Variants in IFNG-AS1 observed in about 807,000 individuals in gnomAD.
IFNG-AS1 encodes the protein IFNG regulatory antisense RNA 1, also known as IFNG antisense RNA 1 (non-protein coding).
intron 1 of IFNG-AS1, among the ~76,000 whole-genome samples, chr12:67,993,094 T>A (rs1845887500): frequency 6.6e-6 from 1 of 152,196 alleles, no homozygotes. Context: ...AGGTCCCCAT[T>A]AGGCTCGAAT....
chr12:67,993,535 AT>A (rs758986503), intron 1 of IFNG-AS1, among the ~76,000 whole-genome samples: 6 of 152,236 alleles, frequency 3.9e-5, no homozygotes, highest in Non-Finnish European at 7.3e-5. Flanking sequence ...TTTCTCATCA[AT>A]CTATCTAGAT....
At chr12:68,003,177 C>T (rs1484663349) in intron 2 of IFNG-AS1, among the ~76,000 whole-genome samples, 4 of 152,124 alleles carry the variant, frequency 2.6e-5, no homozygotes, top group Non-Finnish European at 5.9e-5. Flanking sequence ...TACTTCCTCA[C>T]CTCTAGCTTT....
chr12:68,003,642 T>C (rs368891776), intron 2 of IFNG-AS1, among the ~76,000 whole-genome samples: 6 of 152,112 alleles, frequency 3.9e-5, no homozygotes, highest in East Asian at 3.9e-4. Flanking sequence ...AGGCCGGGCG[T>C]GGTGGCTCAC....
At chr12:67,995,442 G>C (rs11176999) in intron 1 of IFNG-AS1, among the ~76,000 whole-genome samples, 2 of 130,882 alleles carry the variant, frequency 1.5e-5, no homozygotes, top group Admixed American at 8.1e-5. Context: ...AAAAAAAAGG[G>C]CCGCGCACTG....
At chr12:68,000,115 T>C (rs1196889984) in intron 2 of IFNG-AS1, among the ~76,000 whole-genome samples, 5 of 152,202 alleles carry the variant, frequency 3.3e-5, no homozygotes, top group South Asian at 2.1e-4. Context: ...ATAATATCAA[T>C]GTTAGTTTCT....
intron 1 of IFNG-AS1, among the ~76,000 whole-genome samples, chr12:67,989,771 C>A (rs1424517228): frequency 6.6e-6 from 1 of 152,078 alleles, no homozygotes; most frequent in Non-Finnish European, 1.5e-5. Context: ...GGAAGGAGAC[C>A]CGCATGGCTG....
chr12:67,997,057 G>A (rs920297700), intron 2 of IFNG-AS1, among the ~76,000 whole-genome samples: 3 of 152,020 alleles, frequency 2.0e-5, no homozygotes, highest in Admixed American at 1.3e-4. Flanking sequence ...TTTAGGAGAT[G>A]TAATAACAGA....
intron 3 of IFNG-AS1, among the ~76,000 whole-genome samples, chr12:68,016,525 C>A (rs565191564): frequency 2.2e-4 from 33 of 152,298 alleles, no homozygotes; most frequent in African/African-American, 7.7e-4. Flanking sequence ...TTCTCTGAGA[C>A]TCTTTACTTC....
At chr12:67,995,711 G>A (rs1314532343) in intron 1 of IFNG-AS1, among the ~76,000 whole-genome samples, 2 of 144,640 alleles carry the variant, frequency 1.4e-5, no homozygotes, top group Admixed American at 7.0e-5. Flanking sequence ...GACAGAGTGA[G>A]ACTCGGTCTC....
intron 3 of IFNG-AS1, among the ~76,000 whole-genome samples, chr12:68,018,748 T>A (rs1213715894): frequency 1.3e-5 from 2 of 149,214 alleles, no homozygotes; most frequent in Non-Finnish European, 3.0e-5. Flanking sequence ...GAGTCCTTAC[T>A]TTTTTTTTAT....
At chr12:68,012,020 G>C (rs1880042540) in intron 3 of IFNG-AS1, among the ~76,000 whole-genome samples, 1 of 152,086 alleles carries the variant, frequency 6.6e-6, no homozygotes. Flanking sequence ...TCATGTGGGG[G>C]TGTTAATTTC....
intron 1 of IFNG-AS1, among the ~76,000 whole-genome samples, chr12:67,990,854 A>T (rs187257986): frequency 7.8e-4 from 119 of 152,254 alleles, no homozygotes; most frequent in African/African-American, 2.6e-3. Context: ...GGCCTCTCAA[A>T]GTGCTGGGAT....
At chr12:68,004,729 G>A (rs1382862603) in intron 2 of IFNG-AS1, among the ~76,000 whole-genome samples, 1 of 152,128 alleles carries the variant, frequency 6.6e-6, no homozygotes, top group Non-Finnish European at 1.5e-5. Context: ...GAACCCATAG[G>A]ATCAAGACTG....
rs577689081 is a variant in IFNG-AS1 at position 68,006,862 on chromosome 12, C to T, written n.241+716C>T. Among the ~76,000 whole-genome samples the T allele has an allele frequency of 1.1e-4, 16 of 152,284 alleles. No individual in the cohort carries two copies. In the South Asian group the frequency reaches 1.5e-3, roughly 14 times the overall value. On this transcript the variant is annotated intron_variant and non_coding_transcript_variant, in intron 3 of 5. Transcript: ENST00000536914. ...ACCCTAGTCCCAGCTGATCCCTTGA[C>T]GGCAGCTTTGTGAGACCATGACCTG...
At position 68,014,257 on chromosome 12, in the gene IFNG-AS1, A is replaced by T. The variant is rs1490505381; in HGVS notation, n.242-5605A>T. Among the ~76,000 whole-genome samples the T allele has an allele frequency of 2.0e-4, 30 of 152,236 alleles. 1 individual carries two copies. The highest frequency in any genetic ancestry group is 2.0e-3 in the Admixed American group (30 of 15,280). On this transcript the variant is annotated intron_variant and non_coding_transcript_variant, in intron 3 of 5. Transcript: ENST00000536914. ...GTTGTGCTGCTATAAACGTGTGTGC[A>T]AGTATGTTTTTGCATAATGACATCT...
chr12:68,017,261 G>T (rs1170978007), intron 3 of IFNG-AS1, among the ~76,000 whole-genome samples: 1 of 152,148 alleles, frequency 6.6e-6, no homozygotes, highest in African/African-American at 2.4e-5. Flanking sequence ...AAATAAGCAT[G>T]GGCTTAACCG....
intron 1 of IFNG-AS1, among the ~76,000 whole-genome samples, chr12:67,991,110 A>G (rs1425675352): frequency 6.6e-6 from 1 of 152,170 alleles, no homozygotes. Context: ...GATAATGGCA[A>G]AGGAGGGATG....
chr12:68,010,766 A>C (rs1229387180), intron 3 of IFNG-AS1, among the ~76,000 whole-genome samples: 1 of 152,166 alleles, frequency 6.6e-6, no homozygotes, highest in Non-Finnish European at 1.5e-5. Context: ...TGAGAGAAAA[A>C]AAATGTTTGG....
At chr12:67,995,465 G>A (rs1879616885) in intron 1 of IFNG-AS1, among the ~76,000 whole-genome samples, 1 of 141,228 alleles carries the variant, frequency 7.1e-6, no homozygotes, top group South Asian at 2.3e-4. Context: ...GCTCACGCCT[G>A]TAATCTTAGA....
Sources: allele counts gnomAD v4.1 joint callset (sites outside exome capture counted in the v4.1 genomes callset), GRCh38; gene constraint gnomAD v4.1.1; transcripts MANE v1.5; gene names NCBI Gene and HGNC (gene_info 2026-07-23, HGNC 2026-07-21).